The following CRTC3 variants were observed in gnomAD, a reference collection of about 807,000 sequenced individuals.
CRTC3 encodes CREB-regulated transcription coactivator 3.
In CRTC3, 26 loss-of-function variants were observed where a neutral mutation model predicts 74.5. The observed-to-expected ratio is 0.35, with a 90% confidence interval of 0.26 to 0.48. CRTC3 has a LOEUF of 0.48. Ranked by LOEUF, CRTC3 falls within the 20% of genes least tolerant of loss-of-function variation. The pLI, the probability that CRTC3 is intolerant of heterozygous loss-of-function variation, is 0.99. For missense variants in CRTC3, 760 were observed against 787.3 expected, an observed-to-expected ratio of 0.97 and a Z score of 0.41; for synonymous variants, 377 against 325.8, an observed-to-expected ratio of 1.16 and a Z score of -1.69.
At position 90,641,167 on chromosome 15, in the gene CRTC3, A is replaced by C. The variant is rs766839760; in HGVS notation, c.1619A>C (p.Asn540Thr). The C allele has an allele frequency of 6.2e-7, 1 of 1,613,878 alleles. No individual in the cohort carries two copies. Among genetic ancestry groups the C allele is most frequent in the Non-Finnish European group, 8.5e-7 (1 of 1,179,888 alleles). The change falls in exon 14 of 15, where the codon AAC becomes ACC. Residue 540 changes from asparagine (N) to threonine (T), a missense_variant. By Grantham distance (65) the Asn-to-Thr change is moderately conservative. This residue lies in a region of CRTC3 where 652 missense variants were observed against 635.2 expected (regional missense o/e 1.03). Transcript: ENST00000268184. ...SFHLRPSPYS[N>T]CGSLPNTILP... ...CATTTGAGACCAAGCCCGTATTCCA[A>C]CTGCGGGAGTCTCCCGAACACCATC...
chr15:90,621,366 A>G (rs1023556075), intron 9 of CRTC3, among the ~76,000 whole-genome samples: 3 of 152,120 alleles, frequency 2.0e-5, no homozygotes, highest in African/African-American at 7.2e-5. Flanking sequence ...TCTGTCGCTC[A>G]GGCTGGAGTG....
intron 1 of CRTC3, among the ~76,000 whole-genome samples, chr15:90,533,122 G>T (rs1286771871): frequency 3.1e-5 from 3 of 96,536 alleles, no homozygotes; most frequent in East Asian, 7.1e-4. Flanking sequence ...AAAAAAAAAA[G>T]GCCGGGCGCG....
chr15:90,538,779 T>TTTTC (rs1250041641), intron 1 of CRTC3, among the ~76,000 whole-genome samples: 7 of 151,882 alleles, frequency 4.6e-5, no homozygotes, highest in Non-Finnish European at 8.8e-5. Flanking sequence ...TCACCTTTTT[T>TTTTC]TTTTTTTTGA....
intron 11 of CRTC3, among the ~76,000 whole-genome samples, chr15:90,632,577 A>G (rs1213026888): frequency 1.3e-5 from 2 of 152,190 alleles, no homozygotes; most frequent in Non-Finnish European, 2.9e-5. Flanking sequence ...ATGGCTGTCA[A>G]CCATTTTAAC....
intron 11 of CRTC3, among the ~76,000 whole-genome samples, chr15:90,633,740 C>T (rs752016555): frequency 6.6e-6 from 1 of 151,772 alleles, no homozygotes; most frequent in African/African-American, 2.4e-5. Context: ...GTTGACTATC[C>T]TGGACTTTTC....
chr15:90,642,644 G>C lies in CRTC3; in HGVS notation c.*504G>C, dbSNP rs1024749610. The C allele has an allele frequency of 8.3e-6, 2 of 240,548 alleles. No individual in the cohort carries two copies. The highest frequency in any genetic ancestry group is 1.6e-5 in the Non-Finnish European group (2 of 122,384). 14.9% of individuals were successfully genotyped at this position (240,548 alleles called of 1,614,324 possible). ...GGCCCTCCAGCGGGGGACATTCCCA[G>C]GCTGAGTGGACCCCACGGCTCTCTC... On this transcript the variant is annotated 3_prime_UTR_variant, in exon 15 of 15. Coordinates refer to ENST00000268184, the MANE Select transcript of CRTC3 (RefSeq NM_022769.5).
chr15:90,615,516 C>T (rs1423701698), intron 7 of CRTC3, among the ~76,000 whole-genome samples: 2 of 152,338 alleles, frequency 1.3e-5, no homozygotes, highest in East Asian at 3.9e-4. Flanking sequence ...TCTGGGCAAG[C>T]CCTTTTAGGC....
intron 5 of CRTC3, among the ~76,000 whole-genome samples, chr15:90,605,387 C>T (rs1274885754): frequency 5.9e-5 from 9 of 152,208 alleles, no homozygotes; most frequent in Non-Finnish European, 1.0e-4. Flanking sequence ...ACCTACCTCC[C>T]ACCTCAGTCC....
chr15:90,640,959 A>G, intron 13 of CRTC3, 138 bp from the exon 14 acceptor site: 2 of 651,562 alleles, frequency 3.1e-6, no homozygotes, highest in Non-Finnish European at 5.6e-6. Flanking sequence ...ATAAGAGCAA[A>G]GCACTCTGGG....
rs113696950 is a variant in CRTC3, at chr15:90,565,100, G to A, written c.231+24963G>A. ...TGGGATTACAGACATGCGTGACCAC[G>A]CTGGCTAATTTTGTATTTTTAGTTT... On this transcript the variant is annotated intron_variant, in intron 2 of 14. Transcript: ENST00000268184. 8.2e-3 allele frequency among the ~76,000 whole-genome samples: 1,243 copies of A among 152,224 alleles called. 14 individuals are homozygous for A. The highest frequency in any genetic ancestry group is 0.029 in the African/African-American group (1,187 of 41,540).
intron 4 of CRTC3, 172 bp from the exon 5 acceptor site, chr15:90,604,213 T>G (rs1968157341): frequency 5.0e-6 from 3 of 599,716 alleles, no homozygotes; most frequent in Non-Finnish European, 9.2e-6. Context: ...TCATGGAGTC[T>G]TACCTCATTT....
At chr15:90,602,109 A>G (rs1435754302) in intron 3 of CRTC3, among the ~76,000 whole-genome samples, 1 of 151,932 alleles carries the variant, frequency 6.6e-6, no homozygotes, top group East Asian at 1.9e-4. Flanking sequence ...AATAATAAAC[A>G]CCCCACAAAA....
At chr15:90,553,639 C>G (rs1351817556) in intron 2 of CRTC3, among the ~76,000 whole-genome samples, 1 of 152,184 alleles carries the variant, frequency 6.6e-6, no homozygotes, top group East Asian at 1.9e-4. Context: ...CCCATGAGAA[C>G]TTGAGCAAGA....
At chr15:90,544,761 C>G (rs1000390263) in intron 2 of CRTC3, among the ~76,000 whole-genome samples, 4 of 152,234 alleles carry the variant, frequency 2.6e-5, no homozygotes, top group African/African-American at 9.6e-5. Flanking sequence ...CATGAGAGTT[C>G]CAGCGACCCT....
intron 2 of CRTC3, among the ~76,000 whole-genome samples, chr15:90,564,182 A>G (rs1170186938): frequency 6.6e-6 from 1 of 152,228 alleles, no homozygotes; most frequent in Non-Finnish European, 1.5e-5. Flanking sequence ...TCTGGAGTTC[A>G]TGCTAGTAAC....
At chr15:90,560,674 T>G in intron 2 of CRTC3, among the ~76,000 whole-genome samples, 1 of 152,214 alleles carries the variant, frequency 6.6e-6, no homozygotes, top group Non-Finnish European at 1.5e-5. Context: ...CTCAAAGGTC[T>G]GGCTGTCAGA....
intron 7 of CRTC3, among the ~76,000 whole-genome samples, chr15:90,616,512 G>A (rs995662604): frequency 6.6e-5 from 10 of 152,100 alleles, no homozygotes; most frequent in African/African-American, 2.2e-4. Context: ...TTGGGTACCC[G>A]GCCATCTTGT....
chr15:90,558,955 T>G (rs1322349318), intron 2 of CRTC3, among the ~76,000 whole-genome samples: 1 of 152,106 alleles, frequency 6.6e-6, no homozygotes, highest in African/African-American at 2.4e-5. Flanking sequence ...TTTCACCATG[T>G]TGGCCAGGAT....
At chr15:90,539,938 A>G in intron 1 of CRTC3, 101 bp from the exon 2 acceptor site, 2 of 810,768 alleles carry the variant, frequency 2.5e-6, no homozygotes, top group African/African-American at 1.7e-5. Context: ...TTGAAACAAG[A>G]CTTTCATTCT....
Sources: allele counts gnomAD v4.1 joint callset (sites outside exome capture counted in the v4.1 genomes callset), GRCh38; gene constraint gnomAD v4.1.1; regional missense constraint gnomAD v4.1.1; transcripts MANE v1.5; gene names NCBI Gene and HGNC (gene_info 2026-07-23, HGNC 2026-07-21).